GYPB: variants seen among roughly 807,000 people sequenced by gnomAD.
The protein encoded by GYPB is glycophorin-B.
In GYPB, 13 loss-of-function variants were observed where a neutral mutation model predicts 15.3. The observed-to-expected ratio is 0.85, with a 90% CI of 0.55 to 1.35. The LOEUF is 1.35. Ranked by LOEUF, GYPB falls within the 40% of genes most tolerant of loss-of-function variation. GYPB has a pLI of 0.00. For missense variants in GYPB, 131 were observed against 108.3 expected (o/e 1.21, Z -0.93); for synonymous variants, 38 against 36.9 (o/e 1.03, Z -0.11).
chr4:144,001,489 C>T (rs996501239), intron 1 of GYPB, among the ~76,000 whole-genome samples: 2 of 151,328 alleles, frequency 1.3e-5, no homozygotes, highest in African/African-American at 4.9e-5. Context: ...GCCAGAAGCC[C>T]CTCCAGAATT....
Position 143,997,105 on chromosome 4 carries a change from C to T in GYPB, c.270+435G>A, listed in dbSNP as rs1727361581. 4.6e-5 allele frequency among the ~76,000 whole-genome samples: 7 copies of T among 151,134 alleles called. No homozygotes were observed. The South Asian group carries it at 1.5e-3, about 31-fold the overall frequency. ...TATTTTTTGTATAGACTAGGTTTCA[C>T]CTTTTTGCTCAGGCTGGTCTCAAAC... On this transcript the variant is annotated intron_variant, in intron 4 of 4. Transcript: ENST00000502664.
At chr4:144,008,572 A>T (rs1004729945) in intron 1 of GYPB, 2 of 448,142 alleles carry the variant, frequency 4.5e-6, no homozygotes, top group Non-Finnish European at 9.0e-6. Flanking sequence ...CTACTAAAGA[A>T]TCCTCAGAAC....
At position 143,996,319 on chromosome 4, in the gene GYPB, C is replaced by T; in HGVS notation, c.271-15G>A. On this transcript the variant is annotated splice_polypyrimidine_tract_variant and intron_variant, in intron 4 of 4. Coordinates refer to ENST00000502664, the MANE Select transcript of GYPB (RefSeq NM_002100.6). ...CATCCTCATGCCTGTGATAAAAAGACAAGAAGTTTCCACTTCAGCCTCTGC... is the reference window on the plus strand; with the variant it reads ...CATCCTCATGCCTGTGATAAAAAGATAAGAAGTTTCCACTTCAGCCTCTGC... 6.5e-7 allele frequency: 1 copy of T among 1,549,256 alleles called. No homozygotes were observed. The highest frequency in any genetic ancestry group is 8.7e-7 in the Non-Finnish European group (1 of 1,145,818).
chr4:144,014,363 G>A (rs1441767637), intron 1 of GYPB, among the ~76,000 whole-genome samples: 1 of 151,752 alleles, frequency 6.6e-6, no homozygotes. Context: ...ATGATGGATC[G>A]ATAAGCAAAA....
intron 1 of GYPB, among the ~76,000 whole-genome samples, chr4:144,009,767 C>T (rs1354620132): frequency 1.3e-5 from 2 of 149,786 alleles, no homozygotes; most frequent in Admixed American, 6.6e-5. Context: ...GCACCCGCCA[C>T]CAAGCCCGGC....
chr4:143,995,719 ATAAT>A (rs1727281181), downstream of GYPB, among the ~76,000 whole-genome samples: 1 of 151,278 alleles, frequency 6.6e-6, no homozygotes, highest in Non-Finnish European at 1.5e-5. Context: ...CAGGTGAACT[ATAAT>A]TAAGATCAAT....
chr4:144,001,385 C>T, intron 1 of GYPB, 102 bp from the exon 2 acceptor site: 2 of 1,589,014 alleles, frequency 1.3e-6, no homozygotes, highest in Non-Finnish European at 1.7e-6. Flanking sequence ...CCTCCAGTCC[C>T]TGAGCTAAGC....
intron 1 of GYPB, among the ~76,000 whole-genome samples, chr4:144,014,389 C>G (rs1579070263): frequency 6.6e-6 from 1 of 151,738 alleles, no homozygotes; most frequent in Admixed American, 6.6e-5. Flanking sequence ...TATACCAACC[C>G]AAATTTTCAT....
chr4:143,999,490 C>T (rs369894112), intron 2 of GYPB, 41 bp from the exon 3 acceptor site: 116 of 1,069,762 alleles, frequency 1.1e-4, no homozygotes, highest in Non-Finnish European at 8.2e-5. Flanking sequence ...ATAAGAAAGA[C>T]ATGTGCAAAG....
At chr4:144,006,322 T>G (rs1204304340) in intron 1 of GYPB, among the ~76,000 whole-genome samples, 2 of 151,964 alleles carry the variant, frequency 1.3e-5, no homozygotes, top group East Asian at 3.8e-4. Flanking sequence ...CTCTTGTCTC[T>G]TATCCCCATG....
At chr4:144,005,189 T>C (rs1171525958) in intron 1 of GYPB, among the ~76,000 whole-genome samples, 1 of 151,964 alleles carries the variant, frequency 6.6e-6, no homozygotes, top group African/African-American at 2.4e-5. Flanking sequence ...TTGCCGACTT[T>C]ACAGATAGAC....
intron 1 of GYPB, chr4:144,008,403 C>A: frequency 2.2e-6 from 1 of 455,252 alleles, no homozygotes; most frequent in Non-Finnish European, 4.4e-6. Context: ...TTGTTTATAG[C>A]CTGAGGGTAG....
intron 1 of GYPB, among the ~76,000 whole-genome samples, chr4:144,016,539 T>C (rs1728511035): frequency 6.6e-6 from 1 of 151,194 alleles, no homozygotes; most frequent in Admixed American, 6.6e-5. Context: ...TGCTAGATTC[T>C]GGGAATACAT....
At chr4:143,998,990 C>G (rs1000643928) in intron 3 of GYPB, among the ~76,000 whole-genome samples, 3 of 151,034 alleles carry the variant, frequency 2.0e-5, no homozygotes, top group Admixed American at 6.6e-5. Context: ...CTCAAACTCC[C>G]AGGCTCAGGC....
At chr4:144,010,811 C>T (rs1728178563) in intron 1 of GYPB, among the ~76,000 whole-genome samples, 1 of 151,312 alleles carries the variant, frequency 6.6e-6, no homozygotes, top group African/African-American at 2.5e-5. Context: ...ATGTGTGCTG[C>T]ACCACTAAAA....
rs762636470 is a variant in GYPB, at chr4:143,996,247, C to T, written c.*52G>A. 2.0e-5 allele frequency: 31 copies of T among 1,550,134 alleles called. No individual in the cohort carries two copies. The Admixed American group carries it at 5.5e-4, about 27-fold the overall frequency. ...CAGCCAGTTTGCATAAACAAGAGAA[C>T]AGCAGGTGCAGCCGGTTCTAGGCAA... On this transcript the variant is annotated 3_prime_UTR_variant, in exon 5 of 5. Transcript: ENST00000502664.
At position 144,016,430 on chromosome 4, in the gene GYPB, C is replaced by G. The variant is rs950823775; in HGVS notation, c.37+2821G>C. ...TTCTTTTTTCCTTCTTTTCTTTCTT[C>G]CTTCCTCTCCCTCTCTGCTTCTCTC... On this transcript the variant is annotated intron_variant, in intron 1 of 4. Coordinates refer to ENST00000502664, the MANE Select transcript of GYPB (RefSeq NM_002100.6). Among the ~76,000 whole-genome samples, 33 of 149,158 alleles carry G rather than the reference C, an allele frequency of 2.2e-4. 1 individual carries two copies. The highest frequency in any genetic ancestry group is 4.6e-4 in the Non-Finnish European group (31 of 67,716).
chr4:144,012,899 ATTATTT>A (rs1412280466), intron 1 of GYPB: 4 of 151,682 alleles, frequency 2.6e-5, no homozygotes, highest in Non-Finnish European at 1.5e-5. Context: ...AAATTTGGCA[ATTATTT>A]TTAGATATGA....
At chr4:144,008,545 A>T (rs1027452628) in intron 1 of GYPB, 14 of 454,356 alleles carry the variant, frequency 3.1e-5, no homozygotes, top group South Asian at 7.8e-5. Flanking sequence ...AGCATATTCC[A>T]ATCTGGTCAC....
Sources: allele counts gnomAD v4.1 joint callset (sites outside exome capture counted in the v4.1 genomes callset), GRCh38; gene constraint gnomAD v4.1.1; transcripts MANE v1.5; gene names NCBI Gene and HGNC (gene_info 2026-07-23, HGNC 2026-07-21).